The following MAMDC2 variants were observed in gnomAD, a reference collection of about 807,000 sequenced individuals.
The protein encoded by MAMDC2 is MAM domain containing 2.
Under a neutral mutation model 89.8 loss-of-function variants are expected in MAMDC2, and 57 were observed. That is an observed-to-expected ratio of 0.63 (90% CI 0.51 to 0.79). MAMDC2 has a LOEUF of 0.79. Among genes scored for constraint, MAMDC2 ranks in the 30% least tolerant of loss-of-function variants. MAMDC2 has a pLI of 0.00. For missense variants in MAMDC2, 800 were observed against 820.6 expected, an observed-to-expected ratio of 0.97 and a Z score of 0.31; for synonymous variants, 313 against 293.4, an observed-to-expected ratio of 1.07 and a Z score of -0.68.
At chr9:70,073,112 GT>G (rs1283509082) in intron 2 of MAMDC2, among the ~76,000 whole-genome samples, 1 of 152,226 alleles carries the variant, frequency 6.6e-6, no homozygotes, top group Non-Finnish European at 1.5e-5. Flanking sequence ...GGGATTACAG[GT>G]GTGAGCCACT....
At chr9:70,073,321 T>A (rs1827452476) in intron 2 of MAMDC2, among the ~76,000 whole-genome samples, 1 of 152,262 alleles carries the variant, frequency 6.6e-6, no homozygotes. Flanking sequence ...TTGTACATCT[T>A]GTACCTGAAG....
At chr9:70,138,708 C>T (rs760682738) in intron 7 of MAMDC2, among the ~76,000 whole-genome samples, 1 of 152,064 alleles carries the variant, frequency 6.6e-6, no homozygotes, top group African/African-American at 2.4e-5. Flanking sequence ...TCTCAAAGAG[C>T]AGAAATCTTT....
chr9:70,087,209 T>C (rs996008284), intron 2 of MAMDC2: 1 of 152,190 alleles, frequency 6.6e-6, no homozygotes, highest in Admixed American at 6.5e-5. Flanking sequence ...GACTTTTGTA[T>C]TGAGAGCTCT....
chr9:70,106,481 A>G (rs1027767513), intron 2 of MAMDC2, among the ~76,000 whole-genome samples: 1 of 152,140 alleles, frequency 6.6e-6, no homozygotes, highest in African/African-American at 2.4e-5. Context: ...GGATGGTGCT[A>G]ATACATTCCT....
chr9:70,131,995 A>G (rs1308483468), intron 7 of MAMDC2, among the ~76,000 whole-genome samples: 1 of 152,230 alleles, frequency 6.6e-6, no homozygotes, highest in Non-Finnish European at 1.5e-5. Flanking sequence ...ATAGAATAAT[A>G]TATTTTAAAA....
chr9:70,072,061 A>T (rs1285779277), intron 2 of MAMDC2, among the ~76,000 whole-genome samples: 1 of 152,240 alleles, frequency 6.6e-6, no homozygotes, highest in Non-Finnish European at 1.5e-5. Context: ...ATTAAAGATC[A>T]GCTGTCAATT....
chr9:70,100,192 T>C (rs916437995), intron 2 of MAMDC2, among the ~76,000 whole-genome samples: 4 of 152,224 alleles, frequency 2.6e-5, no homozygotes, highest in Non-Finnish European at 5.9e-5. Context: ...ACTTACATTA[T>C]CTTATTTAAT....
intron 2 of MAMDC2, among the ~76,000 whole-genome samples, chr9:70,090,076 CA>C (rs1223800160): frequency 1.3e-5 from 2 of 151,592 alleles, no homozygotes. Context: ...TTTTGTAAAT[CA>C]GTACTAAAAG....
chr9:70,051,655 A>G (rs985676982), intron 2 of MAMDC2, among the ~76,000 whole-genome samples: 1 of 152,316 alleles, frequency 6.6e-6, no homozygotes, highest in Non-Finnish European at 1.5e-5. Context: ...AGTAGAGGTG[A>G]TGGGTATCCC....
intron 2 of MAMDC2, among the ~76,000 whole-genome samples, chr9:70,103,668 T>C (rs1250681716): frequency 1.3e-5 from 2 of 151,924 alleles, no homozygotes; most frequent in Non-Finnish European, 2.9e-5. Flanking sequence ...AATTTTATAC[T>C]TCAAAGGATA....
At chr9:70,170,455 G>A (rs1417550396) in intron 10 of MAMDC2, 24 bp from the exon 11 acceptor site, 1 of 1,588,586 alleles carries the variant, frequency 6.3e-7, no homozygotes, top group African/African-American at 1.3e-5. Context: ...CTCAGTGATT[G>A]CAACATCTGC....
intron 7 of MAMDC2, among the ~76,000 whole-genome samples, chr9:70,134,533 A>G (rs979020334): frequency 8.6e-5 from 13 of 151,408 alleles, no homozygotes; most frequent in Non-Finnish European, 1.6e-4. Context: ...TGCAGACCCA[A>G]TCTCCTTTCT....
At chr9:70,192,382 C>A (rs1401460786) in intron 11 of MAMDC2, among the ~76,000 whole-genome samples, 1 of 152,072 alleles carries the variant, frequency 6.6e-6, no homozygotes, top group Non-Finnish European at 1.5e-5. Context: ...TTCTTCTGCA[C>A]TGCAAGCCAA....
At chr9:70,138,031 A>G (rs1409666159) in intron 7 of MAMDC2, among the ~76,000 whole-genome samples, 1 of 152,100 alleles carries the variant, frequency 6.6e-6, no homozygotes, top group African/African-American at 2.4e-5. Context: ...CCCATTAAGT[A>G]ATTTCTTACC....
chr9:70,205,909 C>T (rs2033215211), intron 11 of MAMDC2, among the ~76,000 whole-genome samples: 1 of 152,160 alleles, frequency 6.6e-6, no homozygotes, highest in African/African-American at 2.4e-5. Context: ...TTTCCAAACA[C>T]ATGTGAGGCA....
intron 5 of MAMDC2, among the ~76,000 whole-genome samples, chr9:70,125,775 A>G (rs992495279): frequency 1.1e-4 from 16 of 152,370 alleles, no homozygotes; most frequent in Non-Finnish European, 2.4e-4. Flanking sequence ...TATGACTCAA[A>G]TAAGGATTGG....
intron 9 of MAMDC2, among the ~76,000 whole-genome samples, chr9:70,144,375 T>G (rs1242233949): frequency 6.6e-6 from 1 of 152,184 alleles, no homozygotes; most frequent in Non-Finnish European, 1.5e-5. Context: ...CATCTGATTT[T>G]GATATAAATG....
At position 70,143,838 on chromosome 9, in the gene MAMDC2, C is replaced by A. The variant is rs200843003; in HGVS notation, c.1404+19C>A. ...TACCAAGGTACAGCAGAGCCAATTT[C>A]TCCTGTGTCCATGTTCAGTTGCTGG... On this transcript the variant is annotated intron_variant, in intron 9 of 13. Transcript: ENST00000377182. 2 of 1,609,706 alleles carry A rather than the reference C, an allele frequency of 1.2e-6. No individual in the cohort carries two copies. The highest frequency in any genetic ancestry group is 1.7e-6 in the Non-Finnish European group (2 of 1,177,298).
intron 11 of MAMDC2, among the ~76,000 whole-genome samples, chr9:70,180,605 C>G (rs994026635): frequency 6.6e-6 from 1 of 152,216 alleles, no homozygotes; most frequent in Non-Finnish European, 1.5e-5. Flanking sequence ...TTGCATTTCT[C>G]TAATGACCAG....
Sources: gnomAD v4.1 joint callset for allele counts (sites outside exome capture counted in the v4.1 genomes callset) on GRCh38, gnomAD v4.1.1 for gene constraint, MANE v1.5 for transcripts, NCBI Gene and HGNC (gene_info 2026-07-23, HGNC 2026-07-21) for gene names.